Variants in GPC6 observed in about 807,000 individuals in gnomAD.
The protein encoded by GPC6 is glypican-6.
In GPC6, 14 loss-of-function variants were observed where a neutral mutation model predicts 55.2. The observed-to-expected ratio is 0.25, with a 90% CI of 0.17 to 0.40. The LOEUF (loss-of-function observed/expected upper bound fraction) is 0.40, where lower values mean the gene tolerates loss of function less well. Ranked by LOEUF, GPC6 falls within the 10% of genes least tolerant of loss-of-function variation. GPC6 has a pLI of 1.00. For synonymous variants in GPC6, 278 were observed against 259.6 expected, an observed-to-expected ratio of 1.07 and a Z score of -0.68; for missense variants, 641 against 708.5, an observed-to-expected ratio of 0.90 and a Z score of 1.08.
intron 1 of GPC6, among the ~76,000 whole-genome samples, chr13:93,477,469 T>C (rs905871765): frequency 3.9e-5 from 6 of 152,180 alleles, no homozygotes; most frequent in Non-Finnish European, 5.9e-5. Context: ...GTAACATTTT[T>C]ATGATGTTTA....
intron 6 of GPC6, among the ~76,000 whole-genome samples, chr13:94,320,001 A>C (rs917881150): frequency 6.6e-6 from 1 of 152,146 alleles, no homozygotes; most frequent in Admixed American, 6.5e-5. Flanking sequence ...CCAATAACTG[A>C]CTGGACATGT....
chr13:93,984,109 G>A (rs1038622807), intron 3 of GPC6, among the ~76,000 whole-genome samples: 8 of 152,094 alleles, frequency 5.3e-5, no homozygotes, highest in African/African-American at 1.4e-4. Context: ...AGAGGCTCCT[G>A]CAGCTCAAAA....
intron 1 of GPC6, among the ~76,000 whole-genome samples, chr13:93,290,445 A>G (rs1022609105): frequency 5.9e-5 from 9 of 152,158 alleles, no homozygotes; most frequent in African/African-American, 2.2e-4. Flanking sequence ...GGAGACAATA[A>G]AACGAGTAAA....
chr13:93,389,500 T>A lies in GPC6; in HGVS notation c.161-155763T>A, dbSNP rs1594136483. ...GCTTGGGCAACAGAGCAAGACTCCA[T>A]CTCAAAAAAAAAAAAAAAATTATAT... On this transcript the variant is annotated intron_variant, in intron 1 of 8. Coordinates refer to ENST00000377047, the MANE Select transcript of GPC6 (RefSeq NM_005708.5). Among the ~76,000 whole-genome samples the A allele has an allele frequency of 3.6e-5, 3 of 83,046 alleles. No individual in the cohort carries two copies. The East Asian group carries it at 6.4e-4, about 18-fold the overall frequency. 54.5% of individuals were successfully genotyped at this position (83,046 alleles called of 152,430 possible). A position where few individuals can be genotyped will look rare whatever the true frequency, so the allele number is the denominator to read the frequency against.
intron 3 of GPC6, among the ~76,000 whole-genome samples, chr13:93,867,367 T>C (rs1325918033): frequency 2.0e-5 from 3 of 151,628 alleles, no homozygotes; most frequent in Non-Finnish European, 1.5e-5. Context: ...CAGACTGGAG[T>C]TGGACGTTGG....
chr13:94,008,329 C>G (rs1882101893), intron 3 of GPC6, among the ~76,000 whole-genome samples: 1 of 152,140 alleles, frequency 6.6e-6, no homozygotes, highest in Non-Finnish European at 1.5e-5. Flanking sequence ...ATTTGAAACT[C>G]TATATACACT....
chr13:94,205,287 C>T (rs1889868278), intron 4 of GPC6, among the ~76,000 whole-genome samples: 1 of 152,128 alleles, frequency 6.6e-6, no homozygotes, highest in African/African-American at 2.4e-5. Flanking sequence ...TTGAGGTCTC[C>T]AGGCATGTGT....
intron 2 of GPC6, among the ~76,000 whole-genome samples, chr13:93,564,235 T>C (rs1385330094): frequency 2.0e-5 from 3 of 149,974 alleles, no homozygotes; most frequent in Non-Finnish European, 4.4e-5. Context: ...AATATTTAAC[T>C]TTTTTTCCTA....
chr13:94,243,594 A>G (rs1361008227), intron 4 of GPC6, among the ~76,000 whole-genome samples: 1 of 152,124 alleles, frequency 6.6e-6, no homozygotes, highest in Non-Finnish European at 1.5e-5. Flanking sequence ...AAAGGATTAT[A>G]CTTGACATTT....
At chr13:94,146,153 C>G (rs1473293185) in intron 4 of GPC6, among the ~76,000 whole-genome samples, 1 of 152,100 alleles carries the variant, frequency 6.6e-6, no homozygotes, top group Non-Finnish European at 1.5e-5. Context: ...CTATTTTCAC[C>G]TTTGATACTG....
intron 1 of GPC6, among the ~76,000 whole-genome samples, chr13:93,349,487 G>T (rs1880551936): frequency 6.6e-6 from 1 of 152,080 alleles, no homozygotes; most frequent in Admixed American, 6.6e-5. Flanking sequence ...CATTTTAGAT[G>T]ATTATTTTAA....
In GPC6 at chr13:94,052,158, A is replaced by C. The variant is rs79679134; in HGVS notation, c.877+24264A>C. 5.3e-5 allele frequency among the ~76,000 whole-genome samples: 8 copies of C among 152,356 alleles called. No individual in the cohort carries two copies. In the East Asian group the frequency reaches 1.5e-3, roughly 29 times the overall value. Reference sequence around the variant, plus strand: ...TATGTTGAAAATGCTATAGCAAAACAGATGAGTGTGATTAATGTTACCTAG... The same window carrying C: ...TATGTTGAAAATGCTATAGCAAAACCGATGAGTGTGATTAATGTTACCTAG... On this transcript the variant is annotated intron_variant, in intron 4 of 8. Coordinates refer to ENST00000377047, the MANE Select transcript of GPC6 (RefSeq NM_005708.5).
chr13:93,576,723 G>A (rs113489323), intron 2 of GPC6, among the ~76,000 whole-genome samples: 1,883 of 152,122 alleles, frequency 0.012, 50 homozygotes, highest in African/African-American at 0.036. Flanking sequence ...GTTCTTAATA[G>A]TGCTACTACA....
chr13:93,553,856 G>T (rs1875300845), intron 2 of GPC6, among the ~76,000 whole-genome samples: 1 of 149,986 alleles, frequency 6.7e-6, no homozygotes. Context: ...GAGAAAGAGA[G>T]TTGGCCAGCA....
intron 3 of GPC6, among the ~76,000 whole-genome samples, chr13:93,941,015 T>C (rs1458566633): frequency 6.6e-6 from 1 of 152,210 alleles, no homozygotes; most frequent in Non-Finnish European, 1.5e-5. Context: ...TGGCACATAA[T>C]TGGTATTTCT....
chr13:93,345,723 CT>C (rs1294377691), intron 1 of GPC6, among the ~76,000 whole-genome samples: 3 of 152,086 alleles, frequency 2.0e-5, no homozygotes, highest in Non-Finnish European at 2.9e-5. Context: ...GATGGATTTT[CT>C]TTGGTATTTT....
At chr13:93,591,252 A>C (rs1877462060) in intron 2 of GPC6, among the ~76,000 whole-genome samples, 1 of 151,830 alleles carries the variant, frequency 6.6e-6, no homozygotes, top group Non-Finnish European at 1.5e-5. Flanking sequence ...TCATGAGGTC[A>C]GGATATCGAG....
chr13:93,676,160 T>C (rs1881615826), intron 2 of GPC6, among the ~76,000 whole-genome samples: 1 of 24,750 alleles, frequency 4.0e-5, no homozygotes, highest in African/African-American at 1.0e-4. Context: ...TATATATATA[T>C]ATATATATAC....
intron 4 of GPC6, among the ~76,000 whole-genome samples, chr13:94,030,971 G>A (rs992854716): frequency 6.6e-6 from 1 of 152,190 alleles, no homozygotes; most frequent in Non-Finnish European, 1.5e-5. Context: ...AAAAACTTCT[G>A]TGGTATTCCA....
Sources: allele counts gnomAD v4.1 joint callset (sites outside exome capture counted in the v4.1 genomes callset), GRCh38; gene constraint gnomAD v4.1.1; transcripts MANE v1.5; gene names NCBI Gene and HGNC (gene_info 2026-07-23, HGNC 2026-07-21).